Variants in SLC18A3 observed in about 807,000 individuals in gnomAD.
SLC18A3 encodes solute carrier family 18 member A3.
In SLC18A3, 18 loss-of-function variants were observed where a neutral mutation model predicts 24.2. That is an observed-to-expected ratio of 0.74 (90% confidence interval 0.51 to 1.10). SLC18A3 has a LOEUF of 1.10. Among genes scored for constraint, SLC18A3 ranks in the 50% least tolerant of loss-of-function variants. SLC18A3 has a pLI of 0.00. For synonymous variants in SLC18A3, 415 were observed against 355.4 expected (o/e 1.17, Z -1.89); for missense variants, 744 against 750.7 (o/e 0.99, Z 0.10).
At position 49,612,193 on chromosome 10, in the gene SLC18A3, C is replaced by A. The variant is rs376743590; in HGVS notation, c.1453C>A (p.Leu485Met). 4 of 1,609,442 alleles carry A rather than the reference C, an allele frequency of 2.5e-6. No individual in the cohort carries two copies. The highest frequency in any genetic ancestry group is 3.4e-6 in the Non-Finnish European group (4 of 1,179,996). ...LTRSRSERDVLLDEPPQGLYD... is the reference protein window; with the variant it reads ...LTRSRSERDVMLDEPPQGLYD... ...GCGCTCCCGTTCCGAGCGCGATGTG[C>A]TGCTTGATGAGCCACCGCAAGGTCT... is the stretch of plus-strand genomic sequence containing the variant. The change falls in exon 1 of 1, where the codon CTG becomes ATG. Residue 485 changes from leucine to methionine, a missense_variant. Coordinates refer to ENST00000374115, the MANE Select transcript of SLC18A3 (RefSeq NM_003055.3).
chr10:49,610,435 C>A lies in SLC18A3; in HGVS notation c.-306C>A, dbSNP rs1475651313. 3.0e-6 allele frequency: 1 copy of A among 334,282 alleles called. No individual in the cohort carries two copies. Among genetic ancestry groups the A allele is most frequent in the Non-Finnish European group, 5.4e-6 (1 of 184,938 alleles). The allele number at this position is 334,282 out of a possible 1,614,324, so 20.7% of individuals were successfully genotyped here. A position where few individuals can be genotyped will look rare whatever the true frequency, so the allele number is the denominator to read the frequency against. The stretch of plus-strand genomic sequence containing the variant: ...TTAGCGCGGCGGGGGCTGCTCTGGG[C>A]GCGCCCCGGGCGAAGTGCGCCCAGT... On this transcript the variant is annotated 5_prime_UTR_variant, in exon 1 of 1. Transcript: ENST00000374115.
In SLC18A3 at chr10:49,611,036, C is replaced by G. The variant is rs778997596; in HGVS notation, c.296C>G (p.Ala99Gly). 10 of 1,613,840 alleles carry G rather than the reference C, an allele frequency of 6.2e-6. No homozygotes were observed. The highest frequency in any genetic ancestry group is 8.5e-6 in the Non-Finnish European group (10 of 1,179,962). Reference sequence around the variant, plus strand: ...AGCGCCTACACGGCCAACACCTCGGCGTCCCCGACAGCTGCGTGGCCAGCG... The same window carrying G: ...AGCGCCTACACGGCCAACACCTCGGGGTCCCCGACAGCTGCGTGGCCAGCG... ...NASAYTANTS[A>G]SPTAAWPAGS... The change falls in exon 1 of 1, where the codon GCG becomes GGG. Residue 99 changes from alanine (A) to glycine (G), a missense_variant. Ala to Gly is a moderately conservative substitution (Grantham distance 60). Around this residue, in one of 3 missense-constraint regions of SLC18A3, gnomAD observed 566 missense variants for 566.2 expected, o/e 1.00. Coordinates refer to ENST00000374115, the MANE Select transcript of SLC18A3 (RefSeq NM_003055.3).
Position 49,611,365 on chromosome 10 carries a change from G to C in SLC18A3, c.625G>C (p.Glu209Gln), listed in dbSNP as rs780233959. Residue 209 changes from glutamate (E) to glutamine (Q), a missense_variant, in exon 1 of 1, where the codon GAG (glutamate) becomes CAG (glutamine). Physicochemically the swap from Glu to Gln is conservative, Grantham distance 29 (BLOSUM62 2). Coordinates refer to ENST00000374115, the MANE Select transcript of SLC18A3 (RefSeq NM_003055.3). ...CGCCGATAAGTACCCGGAGGAGCCG[G>C]AGCGCAGTCGTGCACTGGGCGTGGC... ...MIADKYPEEP[E>Q]RSRALGVALA... 5 of 1,600,194 alleles carry C rather than the reference G, an allele frequency of 3.1e-6. No individual in the cohort carries two copies. The highest frequency in any genetic ancestry group is 4.2e-6 in the Non-Finnish European group (5 of 1,179,750).
chr10:49,610,826 G>T lies in SLC18A3; in HGVS notation c.86G>T (p.Arg29Leu), dbSNP rs1471793352. ...EAVGAALQEPRRQRRLVLVIV... is the reference protein window; with the variant it reads ...EAVGAALQEPLRQRRLVLVIV... ...GTGGGCGCGGCGCTGCAGGAGCCCC[G>T]GCGGCAGAGGCGCCTGGTGCTTGTT... The change falls in exon 1 of 1, where the codon CGG (arginine) becomes CTG (leucine). Residue 29 changes from arginine to leucine, a missense_variant. Transcript: ENST00000374115. The T allele has an allele frequency of 1.2e-6, 2 of 1,607,486 alleles. No homozygotes were observed. Among genetic ancestry groups the T allele is most frequent in the East Asian group, 4.5e-5 (2 of 44,602 alleles).
Position 49,610,911 on chromosome 10 carries a change from G to A in SLC18A3, c.171G>A (p.Val57=), listed in dbSNP as rs1838275775. The A allele has an allele frequency of 6.2e-7, 1 of 1,612,292 alleles. No individual in the cohort carries two copies. Among genetic ancestry groups the A allele is most frequent in the Non-Finnish European group, 8.5e-7 (1 of 1,178,910 alleles). Residue 57 remains valine, a synonymous_variant, in exon 1 of 1, where the codon GTG becomes GTA. Transcript: ENST00000374115. ...TGTACATGGTCATCGTGCCCATAGT[G>A]CCCGACTACATCGCCCACATGCGCG... The part of the protein sequence containing the change: ...NMLYMVIVPI[V]PDYIAHMRGG...
In SLC18A3 at chr10:49,610,842, G is replaced by C. The variant is rs757346271; in HGVS notation, c.102G>C (p.Leu34=). 6.2e-7 allele frequency: 1 copy of C among 1,611,272 alleles called. No individual in the cohort carries two copies. The highest frequency in any genetic ancestry group is 1.1e-5 in the South Asian group (1 of 90,690). The change falls in exon 1 of 1, where the codon CTG becomes CTC. Residue 34 remains leucine, a synonymous_variant. Coordinates refer to ENST00000374115, the MANE Select transcript of SLC18A3 (RefSeq NM_003055.3). ...AGGAGCCCCGGCGGCAGAGGCGCCT[G>C]GTGCTTGTTATCGTGTGCGTGGCGC... ...ALQEPRRQRR[L]VLVIVCVALL... is the part of the protein sequence containing the mutation.
Position 49,610,400 on chromosome 10 carries a change from G to T in SLC18A3, c.-341G>T. 3.7e-6 allele frequency: 1 copy of T among 272,278 alleles called. No individual in the cohort carries two copies. Among genetic ancestry groups the T allele is most frequent in the Non-Finnish European group, 6.9e-6 (1 of 144,902 alleles). The allele number at this position is 272,278 out of a possible 1,614,324, so 16.9% of individuals were successfully genotyped here. On this transcript the variant is annotated 5_prime_UTR_variant, in exon 1 of 1. Transcript: ENST00000374115. ...CAACAGCATGTCCCTCGGCCAGCGCGGGCGGCCTCTTAGCGCGGCGGGGGC... is the reference window on the plus strand; with the variant it reads ...CAACAGCATGTCCCTCGGCCAGCGCTGGCGGCCTCTTAGCGCGGCGGGGGC...
chr10:49,612,174 C>T lies in SLC18A3; in HGVS notation c.1434C>T (p.Ser478=). The change falls in exon 1 of 1, where the codon TCC becomes TCT. Residue 478 remains serine (S), a synonymous_variant. Coordinates refer to ENST00000374115, the MANE Select transcript of SLC18A3 (RefSeq NM_003055.3). ...GCAACGTGGGCCTCCTGACGCGCTC[C>T]CGTTCCGAGCGCGATGTGCTGCTTG... ...LLRNVGLLTR[S]RSERDVLLDE... 6.2e-7 allele frequency: 1 copy of T among 1,610,316 alleles called. No homozygotes were observed. The highest frequency in any genetic ancestry group is 2.2e-5 in the East Asian group (1 of 44,872).
At position 49,612,218 on chromosome 10, in the gene SLC18A3, T is replaced by C. The variant is rs1838319221; in HGVS notation, c.1478T>C (p.Leu493Pro). Reference protein sequence around the residue: ...DVLLDEPPQGLYDAVRLRERP... With the variant: ...DVLLDEPPQGPYDAVRLRERP... Reference sequence around the variant, plus strand: ...CTGCTTGATGAGCCACCGCAAGGTCTGTACGATGCGGTGCGCCTGCGTGAG... The same window carrying C: ...CTGCTTGATGAGCCACCGCAAGGTCCGTACGATGCGGTGCGCCTGCGTGAG... The change falls in exon 1 of 1, where the codon CTG (leucine) becomes CCG (proline). Residue 493 changes from leucine (L) to proline (P), a missense_variant. This residue lies in a region of SLC18A3 where 160 missense variants were observed against 140.9 expected (regional missense o/e 1.14). Coordinates refer to ENST00000374115, the MANE Select transcript of SLC18A3 (RefSeq NM_003055.3). 1 of 1,609,266 alleles carries C rather than the reference T, an allele frequency of 6.2e-7. No homozygotes were observed. Among genetic ancestry groups the C allele is most frequent in the East Asian group, 2.2e-5 (1 of 44,876 alleles).
In SLC18A3 at chr10:49,611,541, G is replaced by C. The variant is rs1838296698; in HGVS notation, c.801G>C (p.Ser267=). The change falls in exon 1 of 1, where the codon TCG becomes TCC. Residue 267 remains serine, a synonymous_variant. Coordinates refer to ENST00000374115, the MANE Select transcript of SLC18A3 (RefSeq NM_003055.3). ...TGCTGGCAGTGGCCAAACCCTTCTC[G>C]GCGGCTGCACGGGCTCGGGCCAACC... The part of the protein sequence containing the change: ...LLLLAVAKPF[S]AAARARANLP... 3.7e-6 allele frequency: 6 copies of C among 1,603,172 alleles called. No homozygotes were observed. In the East Asian group the frequency reaches 1.1e-4, roughly 30 times the overall value.
rs956754475 is a variant in SLC18A3 at position 49,610,661 on chromosome 10, C to A, written c.-80C>A. On this transcript the variant is annotated 5_prime_UTR_variant, in exon 1 of 1. Transcript: ENST00000374115. ...GGCCAGGACAGCCTCCCCGAAGTCC[C>A]GTGCCCTCGCCTCTGCACTGCGGGA... 2 of 1,373,028 alleles carry A rather than the reference C, an allele frequency of 1.5e-6. No individual in the cohort carries two copies. Among genetic ancestry groups the A allele is most frequent in the Non-Finnish European group, 1.9e-6 (2 of 1,051,590 alleles). The allele number at this position is 1,373,028 out of a possible 1,614,324, so 85.1% of individuals were successfully genotyped here. A position where few individuals can be genotyped will look rare whatever the true frequency, so the allele number is the denominator to read the frequency against.
rs1001805564 is a variant in SLC18A3, at chr10:49,612,323, A to G, written c.1583A>G (p.Tyr528Cys). ...FDACEDDYNY[Y>C]YTRS Reference sequence around the variant, plus strand: ...GCGTGCGAGGACGACTACAACTACTACTACACCCGCAGCTAGCATCCCCAC... The same window carrying G: ...GCGTGCGAGGACGACTACAACTACTGCTACACCCGCAGCTAGCATCCCCAC... The change falls in exon 1 of 1, where the codon TAC becomes TGC. Residue 528 changes from tyrosine (Y) to cysteine (C), a missense_variant. By Grantham distance (194) the Tyr-to-Cys change is radical. Around this residue, in one of 3 missense-constraint regions of SLC18A3, gnomAD observed 160 missense variants for 140.9 expected, o/e 1.14. Coordinates refer to ENST00000374115, the MANE Select transcript of SLC18A3 (RefSeq NM_003055.3). 1 of 1,591,930 alleles carries G rather than the reference A, an allele frequency of 6.3e-7. No individual in the cohort carries two copies. The highest frequency in any genetic ancestry group is 8.6e-7 in the Non-Finnish European group (1 of 1,165,646).
At position 49,611,396 on chromosome 10, in the gene SLC18A3, C is replaced by T; in HGVS notation, c.656C>T (p.Ala219Val). 1 of 1,598,722 alleles carries T rather than the reference C, an allele frequency of 6.3e-7. No individual in the cohort carries two copies. Among genetic ancestry groups the T allele is most frequent in the South Asian group, 1.1e-5 (1 of 90,852 alleles). The change falls in exon 1 of 1, where the codon GCC becomes GTC. Residue 219 changes from alanine (A) to valine (V), a missense_variant. This residue lies in a region of SLC18A3 where 566 missense variants were observed against 566.2 expected (regional missense o/e 1.00). Coordinates refer to ENST00000374115, the MANE Select transcript of SLC18A3 (RefSeq NM_003055.3). ...ERSRALGVALAFISFGSLVAP... is the reference protein window; with the variant it reads ...ERSRALGVALVFISFGSLVAP... ...AGTCGTGCACTGGGCGTGGCGCTGG[C>T]CTTCATTAGCTTCGGAAGCCTAGTG...
chr10:49,610,941 C>A lies in SLC18A3; in HGVS notation c.201C>A (p.Gly67=). The A allele has an allele frequency of 6.2e-7, 1 of 1,610,214 alleles. No homozygotes were observed. Residue 67 remains glycine, a synonymous_variant, in exon 1 of 1, where the codon GGC becomes GGA. Coordinates refer to ENST00000374115, the MANE Select transcript of SLC18A3 (RefSeq NM_003055.3). ...ACTACATCGCCCACATGCGCGGGGG[C>A]GGCGAGGGCCCCACCCGGACTCCCG... ...VPDYIAHMRG[G]GEGPTRTPEV...
rs1214897578 is a variant in SLC18A3, at chr10:49,612,370, C to T, written c.*31C>T. Reference sequence around the variant, plus strand: ...CCACTCCTCCTCCAGCCCACCCAACCGCCTTGGGTCAAGGGGGCTGCTCTG... The same window carrying T: ...CCACTCCTCCTCCAGCCCACCCAACTGCCTTGGGTCAAGGGGGCTGCTCTG... On this transcript the variant is annotated 3_prime_UTR_variant, in exon 1 of 1. Coordinates refer to ENST00000374115, the MANE Select transcript of SLC18A3 (RefSeq NM_003055.3). 3 of 1,553,694 alleles carry T rather than the reference C, an allele frequency of 1.9e-6. No homozygotes were observed. Among genetic ancestry groups the T allele is most frequent in the Non-Finnish European group, 2.6e-6 (3 of 1,146,356 alleles).
chr10:49,611,604 C>T lies in SLC18A3; in HGVS notation c.864C>T (p.Asp288=), dbSNP rs763409979. 3.1e-6 allele frequency: 5 copies of T among 1,610,934 alleles called. No individual in the cohort carries two copies. Among genetic ancestry groups the T allele is most frequent in the Middle Eastern group, 1.6e-4 (1 of 6,062 alleles). Reference sequence around the variant, plus strand: ...CTCCCATCCACCGCCTCATGCTAGACCCCTACATTGCCGTGGTGGCCGGCG... The same window carrying T: ...CTCCCATCCACCGCCTCATGCTAGATCCCTACATTGCCGTGGTGGCCGGCG... ...VGTPIHRLML[D]PYIAVVAGAL... The change falls in exon 1 of 1, where the codon GAC becomes GAT. Residue 288 remains aspartate, a synonymous_variant. Coordinates refer to ENST00000374115, the MANE Select transcript of SLC18A3 (RefSeq NM_003055.3).
In SLC18A3 at chr10:49,611,219, G is replaced by A. The variant is rs772361985; in HGVS notation, c.479G>A (p.Gly160Asp). ...GACGTGCCGCTGCTGATCGGCCTGG[G>A]CGTCATGTTCGCCTCTACAGTCCTG... ...SYDVPLLIGLGVMFASTVLFA... is the reference protein window; with the variant it reads ...SYDVPLLIGLDVMFASTVLFA... Residue 160 changes from glycine (G) to aspartate (D), a missense_variant, in exon 1 of 1, where the codon GGC becomes GAC. Transcript: ENST00000374115. The A allele has an allele frequency of 6.2e-7, 1 of 1,614,018 alleles. No homozygotes were observed. The highest frequency in any genetic ancestry group is 8.5e-7 in the Non-Finnish European group (1 of 1,180,006).
chr10:49,610,945 G>A lies in SLC18A3; in HGVS notation c.205G>A (p.Glu69Lys), dbSNP rs765344370. The A allele has an allele frequency of 5.0e-6, 8 of 1,610,458 alleles. No individual in the cohort carries two copies. In the South Asian group the frequency reaches 7.7e-5, roughly 16 times the overall value. The part of the protein sequence containing the change: ...DYIAHMRGGG[E>K]GPTRTPEVWE... ...CATCGCCCACATGCGCGGGGGCGGCGAGGGCCCCACCCGGACTCCCGAGGT... is the reference window on the plus strand; with the variant it reads ...CATCGCCCACATGCGCGGGGGCGGCAAGGGCCCCACCCGGACTCCCGAGGT... Residue 69 changes from glutamate to lysine, a missense_variant, in exon 1 of 1, where the codon GAG becomes AAG. Glu to Lys is a moderately conservative substitution (Grantham distance 56, BLOSUM62 1). Around this residue, in one of 3 missense-constraint regions of SLC18A3, gnomAD observed 566 missense variants for 566.2 expected, o/e 1.00. Transcript: ENST00000374115.
Position 49,611,500 on chromosome 10 carries a change from T to TG in SLC18A3, c.760_761insG (p.Phe254CysfsTer2). Reference sequence around the variant, plus strand: ...CTTGGTGCTAGCTGCCGTGTCGCTCTTTGACGCGCTGTTGCTGCTGGCAGT... The same window carrying TG: ...CTTGGTGCTAGCTGCCGTGTCGCTCTGTTGACGCGCTGTTGCTGCTGGCAGT... On this transcript the variant is annotated frameshift_variant, in exon 1 of 1. Coordinates refer to ENST00000374115, the MANE Select transcript of SLC18A3 (RefSeq NM_003055.3). LOFTEE classifies it high-confidence loss of function. The TG allele has an allele frequency of 6.2e-7, 1 of 1,600,678 alleles. No individual in the cohort carries two copies. Among genetic ancestry groups the TG allele is most frequent in the Non-Finnish European group, 8.5e-7 (1 of 1,179,876 alleles).
Sources: gnomAD v4.1 joint callset for allele counts on GRCh38, gnomAD v4.1.1 for gene constraint, gnomAD v4.1.1 regional missense constraint, MANE v1.5 for transcripts, NCBI Gene and HGNC (gene_info 2026-07-23, HGNC 2026-07-21) for gene names.